Variants in AKAP6 observed in about 807,000 individuals in gnomAD.
AKAP6 encodes the protein A-kinase anchor protein 6.
Under a neutral mutation model 188.5 loss-of-function variants are expected in AKAP6, and 58 were observed. The ratio of observed to expected loss-of-function variants is 0.31; its 90% CI spans 0.25 to 0.38. The LOEUF (loss-of-function observed/expected upper bound fraction) is 0.38, where lower values mean the gene tolerates loss of function less well. AKAP6 is among the 10% of genes least tolerant of loss of function. The probability of loss-of-function intolerance (pLI) is 1.00; values close to 1 mark genes in which losing one functional copy is unlikely to be tolerated. For synonymous variants in AKAP6, 989 were observed against 998.6 expected (o/e 0.99, Z 0.18); for missense variants, 2,710 against 2,740.0 (o/e 0.99, Z 0.24).
intron 11 of AKAP6, among the ~76,000 whole-genome samples, chr14:32,767,781 G>T (rs1027754446): frequency 1.3e-5 from 2 of 151,998 alleles, no homozygotes; most frequent in Non-Finnish European, 2.9e-5. Flanking sequence ...AGTTAATAAT[G>T]ATCTTTTTTA....
Position 32,732,477 on chromosome 14 carries a change from C to T in AKAP6, c.3024C>T (p.Ile1008=), listed in dbSNP as rs367652256. 1.9e-6 allele frequency: 3 copies of T among 1,613,184 alleles called. No homozygotes were observed. Among genetic ancestry groups the T allele is most frequent in the African/African-American group, 2.7e-5 (2 of 74,866 alleles). The change falls in exon 10 of 14, where the codon ATC becomes ATT. Residue 1008 remains isoleucine (I), a synonymous_variant. Transcript: ENST00000280979. ...AGCGATACAGTGTGGAAATGTCCATCAGACACCTGAAAAAGACGGAGCTGC... is the reference window on the plus strand; with the variant it reads ...AGCGATACAGTGTGGAAATGTCCATTAGACACCTGAAAAAGACGGAGCTGC... ...LYKRYSVEMS[I]RHLKKTELLS... is the part of the protein sequence containing the mutation.
chr14:32,377,636 T>C (rs1888200946), intron 1 of AKAP6, among the ~76,000 whole-genome samples: 1 of 152,174 alleles, frequency 6.6e-6, no homozygotes, highest in South Asian at 2.1e-4. Context: ...ACTGCTTTCC[T>C]CCTACACAGA....
intron 1 of AKAP6, among the ~76,000 whole-genome samples, chr14:32,422,623 C>T (rs1190830771): frequency 6.6e-6 from 1 of 152,196 alleles, no homozygotes; most frequent in Admixed American, 6.5e-5. Context: ...TCACCACCCA[C>T]ATGGTTGCCC....
intron 2 of AKAP6, among the ~76,000 whole-genome samples, chr14:32,476,621 G>T (rs778786093): frequency 6.6e-6 from 1 of 152,148 alleles, no homozygotes; most frequent in African/African-American, 2.4e-5. Context: ...CAGACACCGG[G>T]CCGCAAGTTG....
chr14:32,725,869 A>G (rs1037198890), intron 9 of AKAP6, among the ~76,000 whole-genome samples: 121 of 152,078 alleles, frequency 8.0e-4, no homozygotes, highest in Non-Finnish European at 9.4e-4. Context: ...AAATGATGCA[A>G]CTCCATTTCC....
At chr14:32,425,591 G>A (rs1344353629) in intron 1 of AKAP6, among the ~76,000 whole-genome samples, 1 of 151,690 alleles carries the variant, frequency 6.6e-6, no homozygotes, top group Non-Finnish European at 1.5e-5. Context: ...AAGAAAGAGA[G>A]AAAGAGAAAG....
rs537346821 is a variant in AKAP6 at position 32,608,541 on chromosome 14, A to G, written c.2730+7749A>G. ...AAGCATAGCTTATTTTGTTTTTCAC[A>G]CTATACTTCCATTGCTGGTGGCCTT... On this transcript the variant is annotated intron_variant, in intron 7 of 13. Coordinates refer to ENST00000280979, the MANE Select transcript of AKAP6 (RefSeq NM_004274.5). Among the ~76,000 whole-genome samples, 61 of 151,478 alleles carry G rather than the reference A, an allele frequency of 4.0e-4. No individual in the cohort carries two copies. The Middle Eastern group carries it at 0.017, about 43-fold the overall frequency.
intron 7 of AKAP6, among the ~76,000 whole-genome samples, chr14:32,651,326 T>C (rs979862682): frequency 1.3e-5 from 2 of 152,184 alleles, no homozygotes; most frequent in African/African-American, 4.8e-5. Flanking sequence ...TTCATCACTC[T>C]TCTAAATTGT....
At chr14:32,492,172 C>T (rs1400360234) in intron 2 of AKAP6, among the ~76,000 whole-genome samples, 2 of 151,806 alleles carry the variant, frequency 1.3e-5, no homozygotes, top group Admixed American at 6.6e-5. Flanking sequence ...ATGCTTTCTC[C>T]CATTGCCCAT....
In AKAP6 at chr14:32,545,888, G is replaced by A. The variant is rs551902426; in HGVS notation, c.1235G>A (p.Arg412Lys). The A allele has an allele frequency of 5.6e-5, 91 of 1,614,190 alleles. 1 individual carries two copies. In the South Asian group the frequency reaches 9.8e-4, roughly 17 times the overall value. ...GATCTGAAAGGCAATGGTGGAAAGA[G>A]GCAAATGGTTGATCTAAAGCCTGAG... ...KNDLKGNGGK[R>K]QMVDLKPEMS... The change falls in exon 4 of 14, where the codon AGG becomes AAG. Residue 412 changes from arginine (R) to lysine (K), a missense_variant. Physicochemically the swap from Arg to Lys is conservative, Grantham distance 26 (BLOSUM62 2). Coordinates refer to ENST00000280979, the MANE Select transcript of AKAP6 (RefSeq NM_004274.5).
At chr14:32,332,937 C>T (rs993132810) in intron 1 of AKAP6, among the ~76,000 whole-genome samples, 2 of 152,120 alleles carry the variant, frequency 1.3e-5, no homozygotes, top group Non-Finnish European at 2.9e-5. Context: ...TGCTCATCCC[C>T]AGCTATCCAC....
At chr14:32,609,743 A>G (rs1333613186) in intron 7 of AKAP6, among the ~76,000 whole-genome samples, 1 of 152,124 alleles carries the variant, frequency 6.6e-6, no homozygotes, top group Admixed American at 6.6e-5. Flanking sequence ...AGAACGAAGC[A>G]TGTGTCCAGT....
chr14:32,500,981 C>A (rs1182393602), intron 2 of AKAP6, among the ~76,000 whole-genome samples: 1 of 152,126 alleles, frequency 6.6e-6, no homozygotes, highest in Non-Finnish European at 1.5e-5. Flanking sequence ...TGCATTCTAG[C>A]CTGTGGCACA....
At chr14:32,582,695 TTC>T (rs1445433196) in intron 5 of AKAP6, among the ~76,000 whole-genome samples, 1 of 152,202 alleles carries the variant, frequency 6.6e-6, no homozygotes, top group Non-Finnish European at 1.5e-5. Flanking sequence ...TTTCTTTTTA[TTC>T]TTTTTTCTCT....
chr14:32,676,234 A>G (rs1194538842), intron 7 of AKAP6, among the ~76,000 whole-genome samples: 1 of 152,184 alleles, frequency 6.6e-6, no homozygotes, highest in Admixed American at 6.5e-5. Context: ...ATTGCTCAAT[A>G]TCTCTGTAAT....
chr14:32,457,556 T>A (rs1254560012), intron 2 of AKAP6, among the ~76,000 whole-genome samples: 1 of 151,930 alleles, frequency 6.6e-6, no homozygotes, highest in Non-Finnish European at 1.5e-5. Context: ...AATTAAAGGG[T>A]CAACTTTAGA....
intron 2 of AKAP6, among the ~76,000 whole-genome samples, chr14:32,509,551 TA>T (rs1178722016): frequency 1.3e-5 from 2 of 152,244 alleles, no homozygotes; most frequent in Middle Eastern, 3.4e-3. Flanking sequence ...TAAAAAAGTT[TA>T]AAAAAATCCT....
At chr14:32,732,406 A>G (rs772421777) in intron 9 of AKAP6, 48 bp from the exon 10 acceptor site, 29 of 1,558,454 alleles carry the variant, frequency 1.9e-5, no homozygotes, top group African/African-American at 1.4e-4. Context: ...TGATTTTCTA[A>G]GAACACCTCT....
chr14:32,790,763 C>T (rs771079665), intron 12 of AKAP6, among the ~76,000 whole-genome samples: 11 of 152,002 alleles, frequency 7.2e-5, no homozygotes, highest in Non-Finnish European at 1.3e-4. Context: ...TGCTCTCTAT[C>T]CCCTTGCCCC....
Sources: gnomAD v4.1 joint callset for allele counts (sites outside exome capture counted in the v4.1 genomes callset) on GRCh38, gnomAD v4.1.1 for gene constraint, MANE v1.5 for transcripts, NCBI Gene and HGNC (gene_info 2026-07-23, HGNC 2026-07-21) for gene names.